The following ASPSCR1 variants were observed in gnomAD, a reference collection of about 807,000 sequenced individuals.
ASPSCR1 encodes ASPSCR1 tether for SLC2A4, UBX domain containing, also known as tether containing UBX domain for GLUT4.
In ASPSCR1, 55 loss-of-function variants were observed where a neutral mutation model predicts 68.9. The observed-to-expected ratio is 0.80, with a 90% confidence interval of 0.64 to 1.00. ASPSCR1 has a LOEUF of 1.00. Among genes scored for constraint, ASPSCR1 ranks in the 50% least tolerant of loss-of-function variants. The probability of loss-of-function intolerance (pLI) is 0.00; values close to 1 mark genes in which losing one functional copy is unlikely to be tolerated. For missense variants in ASPSCR1, 765 were observed against 762.2 expected (o/e 1.00, Z -0.04); for synonymous variants, 352 against 332.6 (o/e 1.06, Z -0.63).
At chr17:82,010,571 G>C (rs1324443232) in intron 9 of ASPSCR1, among the ~76,000 whole-genome samples, 5 of 150,800 alleles carry the variant, frequency 3.3e-5, no homozygotes, top group Non-Finnish European at 5.9e-5. Context: ...TTTGAACCCA[G>C]GTCAGTGTGG....
At chr17:82,015,467 C>T in intron 12 of ASPSCR1, 1 of 1,364,598 alleles carries the variant, frequency 7.3e-7, no homozygotes. Context: ...CGAGTCCTGC[C>T]CGCCCCTTTC....
chr17:82,001,518 T>A (rs886120722), intron 7 of ASPSCR1, among the ~76,000 whole-genome samples: 10 of 152,170 alleles, frequency 6.6e-5, no homozygotes, highest in African/African-American at 2.4e-4. Flanking sequence ...TGCAGGTGGC[T>A]GGCTGAGTCC....
At chr17:82,010,235 A>C (rs1353954298) in intron 9 of ASPSCR1, among the ~76,000 whole-genome samples, 1 of 150,488 alleles carries the variant, frequency 6.6e-6, no homozygotes. Context: ...TGAAACTTTA[A>C]ACAGCACATT....
At chr17:82,015,440 C>T (rs2043090025) in intron 12 of ASPSCR1, 2 of 1,473,082 alleles carry the variant, frequency 1.4e-6, no homozygotes, top group African/African-American at 1.4e-5. Context: ...AAGCCTACTT[C>T]CCTCTCCTGG....
chr17:81,996,108 A>G, intron 6 of ASPSCR1, 43 bp downstream of exon 6: 1 of 1,534,606 alleles, frequency 6.5e-7, no homozygotes. Context: ...ATTTAGCTAA[A>G]AAAAAAAGTG....
intron 1 of ASPSCR1, chr17:81,978,537 A>G (rs1489165041): frequency 6.6e-6 from 1 of 152,144 alleles, no homozygotes; most frequent in Non-Finnish European, 1.5e-5. Context: ...AAAAAAAAAA[A>G]AAAAAGTATT....
intron 5 of ASPSCR1, chr17:81,995,156 T>G (rs2042295461): frequency 2.0e-6 from 1 of 495,838 alleles, no homozygotes; most frequent in Admixed American, 3.8e-5. Context: ...TGCTCGGTGT[T>G]TTGATCATTT....
chr17:82,015,482 C>T (rs981249177), intron 12 of ASPSCR1: 46 of 1,257,096 alleles, frequency 3.7e-5, no homozygotes, highest in East Asian at 2.3e-4. Flanking sequence ...CCTTTCTGTG[C>T]GTCCCGTGGG....
At chr17:81,993,799 C>A (rs2042250436) in intron 4 of ASPSCR1, among the ~76,000 whole-genome samples, 1 of 152,270 alleles carries the variant, frequency 6.6e-6, no homozygotes, top group Non-Finnish European at 1.5e-5. Flanking sequence ...GTCACCAGCT[C>A]AGCCTGTGTC....
chr17:81,994,661 GC>G (rs1270579257), intron 4 of ASPSCR1, among the ~76,000 whole-genome samples, 159 bp from the exon 5 acceptor site: 1 of 152,240 alleles, frequency 6.6e-6, no homozygotes, highest in African/African-American at 2.4e-5. Flanking sequence ...GCGCAGTGGG[GC>G]TGAGGTCTGT....
intron 2 of ASPSCR1, among the ~76,000 whole-genome samples, chr17:81,980,750 A>G (rs1427742924): frequency 6.6e-6 from 1 of 152,228 alleles, no homozygotes; most frequent in African/African-American, 2.4e-5. Flanking sequence ...TAGGAGGATC[A>G]TGAGTATTCA....
chr17:82,014,107 C>T (rs1434445875), intron 12 of ASPSCR1: 2 of 152,250 alleles, frequency 1.3e-5, no homozygotes, highest in African/African-American at 2.4e-5. Context: ...GGACACAGGC[C>T]ACCCTTGCTG....
At chr17:82,005,956 G>A (rs916373745) in intron 7 of ASPSCR1, 2 of 152,314 alleles carry the variant, frequency 1.3e-5, no homozygotes, top group Non-Finnish European at 2.9e-5. Flanking sequence ...GCTGGCAGCT[G>A]GGACAAGAGT....
chr17:82,003,066 T>C (rs1194919763), intron 7 of ASPSCR1, among the ~76,000 whole-genome samples: 1 of 151,978 alleles, frequency 6.6e-6, no homozygotes, highest in Non-Finnish European at 1.5e-5. Flanking sequence ...CAGGCTGCTC[T>C]TGAACTCCTG....
intron 7 of ASPSCR1, chr17:82,005,950 G>T (rs1208409080): frequency 6.6e-6 from 1 of 152,320 alleles, no homozygotes; most frequent in Non-Finnish European, 1.5e-5. Context: ...TGTGATGCTG[G>T]CAGCTGGGAC....
intron 15 of ASPSCR1, 39 bp downstream of exon 15, chr17:82,017,152 G>C (rs775450756): frequency 6.4e-7 from 1 of 1,566,034 alleles, no homozygotes; most frequent in African/African-American, 1.3e-5. Flanking sequence ...CTGTGGCCGG[G>C]TGGAGGGCGG....
At chr17:82,002,683 C>A (rs1468741428) in intron 7 of ASPSCR1, among the ~76,000 whole-genome samples, 1 of 151,924 alleles carries the variant, frequency 6.6e-6, no homozygotes, top group African/African-American at 2.4e-5. Flanking sequence ...CTGCCTCAGC[C>A]TCCTGAGTAG....
chr17:81,980,270 C>G (rs1295334409), intron 2 of ASPSCR1, among the ~76,000 whole-genome samples: 4 of 152,254 alleles, frequency 2.6e-5, no homozygotes, highest in Admixed American at 6.5e-5. Context: ...GATGAGTCAC[C>G]ATGCCTGCCC....
At chr17:81,980,343 C>T (rs1010537413) in intron 2 of ASPSCR1, among the ~76,000 whole-genome samples, 4 of 152,242 alleles carry the variant, frequency 2.6e-5, no homozygotes, top group African/African-American at 9.6e-5. Flanking sequence ...GGAGCTTGCC[C>T]TCCTGGCATT....
Sources: gnomAD v4.1 joint callset for allele counts (sites outside exome capture counted in the v4.1 genomes callset) on GRCh38, gnomAD v4.1.1 for gene constraint, MANE v1.5 for transcripts, NCBI Gene and HGNC (gene_info 2026-07-23, HGNC 2026-07-21) for gene names.